Variants in AVEN observed in about 807,000 individuals in gnomAD.
AVEN encodes the protein cell death regulator Aven.
AVEN carries 41 observed loss-of-function variants against 38.1 expected under a neutral mutation model. That is an observed-to-expected ratio of 1.08 (90% CI 0.84 to 1.40). The LOEUF is 1.40. Ranked by LOEUF, AVEN falls within the 40% of genes most tolerant of loss-of-function variation. The probability of loss-of-function intolerance (pLI) is 0.00; values close to 1 mark genes in which losing one functional copy is unlikely to be tolerated. For synonymous variants in AVEN, 206 were observed against 171.8 expected (o/e 1.20, Z -1.56); for missense variants, 605 against 438.8 (o/e 1.38, Z -3.38).
rs371678150 is a variant in AVEN at position 33,871,021 on chromosome 15, A to C, written c.526T>G (p.Phe176Val). ...EASCPKQNSAFYVDSELLVRA... is the reference protein window; with the variant it reads ...EASCPKQNSAVYVDSELLVRA... The stretch of plus-strand genomic sequence containing the variant: ...ACCAATAACTCACTATCCACATAAA[A>C]TGCTGAATTCTATATATATATATAA... Residue 176 changes from phenylalanine (F) to valine (V), a missense_variant, in exon 4 of 6, where the codon TTT becomes GTT. Phe to Val is a conservative substitution (Grantham distance 50, BLOSUM62 -1). Coordinates refer to ENST00000306730, the MANE Select transcript of AVEN (RefSeq NM_020371.3). The C allele has an allele frequency of 1.1e-5, 17 of 1,594,348 alleles. No homozygotes were observed. The highest frequency in any genetic ancestry group is 1.1e-5 in the Non-Finnish European group (13 of 1,168,136).
chr15:34,037,038 G>A (rs1312107958), intron 1 of AVEN, among the ~76,000 whole-genome samples: 1 of 151,794 alleles, frequency 6.6e-6, no homozygotes, highest in Non-Finnish European at 1.5e-5. Context: ...GAACCCGGGA[G>A]GCGGAGGTTG....
chr15:33,943,724 C>G (rs1010169011), intron 2 of AVEN, among the ~76,000 whole-genome samples: 1 of 150,400 alleles, frequency 6.6e-6, no homozygotes, highest in Non-Finnish European at 1.5e-5. Flanking sequence ...ACTTGGGAAG[C>G]TGCGGCAGAA....
At chr15:33,885,528 T>C (rs1891666957) in intron 2 of AVEN, 1 of 152,192 alleles carries the variant, frequency 6.6e-6, no homozygotes. Context: ...CTACGGTGAT[T>C]ATTTTAAAAG....
At chr15:33,905,020 C>T (rs1265508855) in intron 2 of AVEN, among the ~76,000 whole-genome samples, 1 of 151,330 alleles carries the variant, frequency 6.6e-6, no homozygotes, top group Non-Finnish European at 1.5e-5. Flanking sequence ...ATCCCAGCTA[C>T]TCAGGAGGCT....
chr15:33,872,648 G>A (rs1891026673), intron 3 of AVEN, among the ~76,000 whole-genome samples: 2 of 152,158 alleles, frequency 1.3e-5, no homozygotes, highest in African/African-American at 4.8e-5. Flanking sequence ...CCAGCAGTTT[G>A]CTCAGCAGCC....
chr15:33,983,413 A>G (rs1427042968), intron 2 of AVEN, among the ~76,000 whole-genome samples: 1 of 152,006 alleles, frequency 6.6e-6, no homozygotes, highest in Non-Finnish European at 1.5e-5. Flanking sequence ...TTCTTCAAAG[A>G]AATTGACAGA....
At chr15:34,054,662 C>A (rs1249536297) in intron 5 of AVEN, among the ~76,000 whole-genome samples, 5 of 152,058 alleles carry the variant, frequency 3.3e-5, no homozygotes, top group Non-Finnish European at 7.4e-5. Flanking sequence ...TCCAGGGAAA[C>A]AACACACACT....
intron 2 of AVEN, among the ~76,000 whole-genome samples, chr15:33,950,299 A>G (rs685846): frequency 0.96 from 146,592 of 152,268 alleles, 70,781 homozygotes; most frequent in Non-Finnish European, 1. Context: ...AGTGACTATA[A>G]TTAATATTAC....
intron 2 of AVEN, among the ~76,000 whole-genome samples, chr15:33,958,992 T>C (rs1412338772): frequency 6.6e-6 from 1 of 152,184 alleles, no homozygotes; most frequent in Non-Finnish European, 1.5e-5. Flanking sequence ...TCTCAAGCCA[T>C]TGGTCTCCTC....
intron 2 of AVEN, among the ~76,000 whole-genome samples, chr15:33,982,055 C>A (rs930441835): frequency 6.6e-6 from 1 of 151,042 alleles, no homozygotes; most frequent in Non-Finnish European, 1.5e-5. Context: ...TTAGTAGAGA[C>A]AAGATTTCAC....
chr15:33,853,693 CT>C, the AVEN span: 1 of 1,609,808 alleles, frequency 6.2e-7, no homozygotes, highest in East Asian at 2.2e-5. Flanking sequence ...GTACAAAAAG[CT>C]TAGGAGTTCA....
intron 5 of AVEN, among the ~76,000 whole-genome samples, chr15:34,054,358 A>G (rs915607865): frequency 3.3e-5 from 5 of 152,194 alleles, no homozygotes; most frequent in Admixed American, 1.3e-4. Flanking sequence ...AAATCATTCT[A>G]TCATAAAGAT....
chr15:33,852,851 C>G, the AVEN span: 3 of 528,686 alleles, frequency 5.7e-6, no homozygotes, highest in Non-Finnish European at 1.0e-5. Context: ...AAAGCCAATA[C>G]AAAGTAATGA....
chr15:33,860,946 A>C, intron 11 of AVEN: 1 of 726,946 alleles, frequency 1.4e-6, no homozygotes, highest in South Asian at 1.7e-5. Flanking sequence ...GGCACTACTG[A>C]GTGAATGACT....
At chr15:33,930,378 T>A (rs1227666288) in intron 2 of AVEN, among the ~76,000 whole-genome samples, 1 of 152,048 alleles carries the variant, frequency 6.6e-6, no homozygotes, top group African/African-American at 2.4e-5. Flanking sequence ...AGAGAGTTTA[T>A]TAACTAACTA....
intron 2 of AVEN, among the ~76,000 whole-genome samples, chr15:33,916,345 T>C (rs549658524): frequency 2.7e-4 from 41 of 152,270 alleles, no homozygotes; most frequent in Non-Finnish European, 4.3e-4. Context: ...ACAGATCACA[T>C]AACAGGACTC....
intron 11 of AVEN, chr15:33,859,688 C>A (rs1029546335): frequency 6.2e-7 from 1 of 1,613,186 alleles, no homozygotes; most frequent in African/African-American, 1.3e-5. Flanking sequence ...TTGACATTAC[C>A]TTTTTCTTCT....
At chr15:33,938,437 A>C (rs950478844) in intron 2 of AVEN, among the ~76,000 whole-genome samples, 1 of 152,196 alleles carries the variant, frequency 6.6e-6, no homozygotes, top group Non-Finnish European at 1.5e-5. Context: ...CCTGGGTGAC[A>C]GAGCAAGACT....
intron 2 of AVEN, among the ~76,000 whole-genome samples, chr15:33,918,258 T>G (rs1239392755): frequency 6.6e-6 from 1 of 152,162 alleles, no homozygotes; most frequent in African/African-American, 2.4e-5. Flanking sequence ...ATTTTAAAAC[T>G]GCTTGAAGCT....
Sources: gnomAD v4.1 joint callset for allele counts (sites outside exome capture counted in the v4.1 genomes callset) on GRCh38, gnomAD v4.1.1 for gene constraint, MANE v1.5 for transcripts, NCBI Gene and HGNC (gene_info 2026-07-23, HGNC 2026-07-21) for gene names.